RORA: variants seen among roughly 807,000 people sequenced by gnomAD.
RORA encodes RAR related orphan receptor A.
A neutral mutation model predicts 69.5 loss-of-function variants in RORA; 7 were observed. The observed-to-expected ratio is 0.10, with a 90% CI of 0.06 to 0.19. RORA has a LOEUF of 0.19. Among genes scored for constraint, RORA ranks in the 10% least tolerant of loss-of-function variants. The pLI is 1.00. For missense variants in RORA, 457 were observed against 663.0 expected (o/e 0.69, Z 3.41); for synonymous variants, 261 against 240.8 (o/e 1.08, Z -0.78).
chr15:60,763,711 A>T (rs1025803162), intron 1 of RORA, among the ~76,000 whole-genome samples: 1 of 152,150 alleles, frequency 6.6e-6, no homozygotes, highest in East Asian at 1.9e-4. Context: ...TTTGCCATAG[A>T]CTACGCTGAC....
chr15:60,766,130 A>T (rs1368038646), intron 1 of RORA, among the ~76,000 whole-genome samples: 2 of 152,040 alleles, frequency 1.3e-5, no homozygotes, highest in African/African-American at 2.4e-5. Context: ...AGGTTCAAAC[A>T]TTTGGCACTT....
At chr15:61,002,638 C>T (rs1894778439) in intron 1 of RORA, among the ~76,000 whole-genome samples, 1 of 152,048 alleles carries the variant, frequency 6.6e-6, no homozygotes, top group African/African-American at 2.4e-5. Flanking sequence ...TTACTTTATC[C>T]GAAGTGTCAT....
intron 1 of RORA, among the ~76,000 whole-genome samples, chr15:60,756,810 T>C (rs1015368790): frequency 5.9e-5 from 9 of 152,190 alleles, no homozygotes; most frequent in Non-Finnish European, 1.2e-4. Flanking sequence ...CAGTTCAATA[T>C]TTATTTAGTT....
chr15:60,866,626 G>T (rs1342175716), intron 1 of RORA, among the ~76,000 whole-genome samples: 1 of 152,116 alleles, frequency 6.6e-6, no homozygotes, highest in Admixed American at 6.5e-5. Context: ...GGAGAGAGGG[G>T]CTGGAGTTTA....
At chr15:61,135,105 C>T (rs1041360821) in intron 1 of RORA, among the ~76,000 whole-genome samples, 3 of 127,088 alleles carry the variant, frequency 2.4e-5, no homozygotes, top group African/African-American at 9.1e-5. Flanking sequence ...GCCAGGAGTT[C>T]AAAACCAGCC....
Position 60,657,668 on chromosome 15 carries a change from G to T in RORA, c.196+20989C>A, listed in dbSNP as rs536791425. The stretch of plus-strand genomic sequence containing the variant: ...CTGTCCAATCGTTGACTCCTCTGCA[G>T]AATTATTCTCTTGGGTTGTAAGTAA... On this transcript the variant is annotated intron_variant, in intron 2 of 10. Coordinates refer to ENST00000335670, the MANE Select transcript of RORA (RefSeq NM_134261.3). Among the ~76,000 whole-genome samples, 57 of 152,304 alleles carry T rather than the reference G, an allele frequency of 3.7e-4. 2 individuals are homozygous for T. The South Asian group carries it at 0.012, about 31-fold the overall frequency.
rs111275675 is a variant in RORA, at chr15:60,546,819, G to T, written c.197-14968C>A. 8.3e-3 allele frequency among the ~76,000 whole-genome samples: 1,262 copies of T among 152,270 alleles called. 17 individuals are homozygous for T. Among genetic ancestry groups the T allele is most frequent in the African/African-American group, 0.029 (1,210 of 41,566 alleles). On this transcript the variant is annotated intron_variant, in intron 2 of 10. Transcript: ENST00000335670. ...ACTCTCCTGCCTCTTAGTGATTTCT[G>T]AACTGGTGGCTGAAGTCAGAATTGT...
chr15:61,141,593 G>A (rs767514768), intron 1 of RORA, among the ~76,000 whole-genome samples: 3 of 152,162 alleles, frequency 2.0e-5, no homozygotes, highest in Admixed American at 6.5e-5. Flanking sequence ...TAGAAAAGGC[G>A]TCAACAGCTT....
At chr15:60,674,492 A>G (rs2070522839) in intron 2 of RORA, among the ~76,000 whole-genome samples, 1 of 152,210 alleles carries the variant, frequency 6.6e-6, no homozygotes, top group Non-Finnish European at 1.5e-5. Context: ...ACATTAACCT[A>G]TTCCATTTTA....
chr15:60,956,013 T>TA (rs1417115809), intron 1 of RORA, among the ~76,000 whole-genome samples: 2 of 152,202 alleles, frequency 1.3e-5, no homozygotes, highest in Non-Finnish European at 2.9e-5. Context: ...GGCACAATTT[T>TA]AAAAAAGATT....
chr15:60,713,005 A>C (rs574019189), intron 1 of RORA, among the ~76,000 whole-genome samples: 9 of 152,294 alleles, frequency 5.9e-5, no homozygotes, highest in Admixed American at 3.3e-4. Context: ...AAAAACAACA[A>C]TTTAGGTTAC....
intron 1 of RORA, among the ~76,000 whole-genome samples, chr15:60,823,737 A>T (rs566750498): frequency 6.6e-6 from 1 of 152,296 alleles, no homozygotes; most frequent in African/African-American, 2.4e-5. Flanking sequence ...TTTTTTTTAG[A>T]CAAGTTACCA....
At chr15:60,850,120 C>CG (rs1201831159) in intron 1 of RORA, among the ~76,000 whole-genome samples, 2 of 152,170 alleles carry the variant, frequency 1.3e-5, no homozygotes, top group African/African-American at 2.4e-5. Flanking sequence ...AATCAACAGT[C>CG]CGTGTTCATG....
At chr15:61,193,594 T>A (rs914866910) in intron 1 of RORA, among the ~76,000 whole-genome samples, 1 of 152,226 alleles carries the variant, frequency 6.6e-6, no homozygotes, top group African/African-American at 2.4e-5. Flanking sequence ...TCATCTTTAC[T>A]TAAGATAGTT....
intron 1 of RORA, among the ~76,000 whole-genome samples, chr15:60,918,607 T>C (rs1371278542): frequency 3.3e-5 from 5 of 152,170 alleles, no homozygotes; most frequent in African/African-American, 7.2e-5. Flanking sequence ...TGTAAGAAAA[T>C]GTTGTTATGA....
intron 2 of RORA, chr15:60,592,732 C>T (rs1325947459): frequency 7.8e-5 from 86 of 1,097,708 alleles, no homozygotes; most frequent in African/African-American, 1.6e-4. Flanking sequence ...TCTGCTGGCC[C>T]ACCCCGGCCG....
At chr15:61,180,905 A>G (rs1283019784) in intron 1 of RORA, among the ~76,000 whole-genome samples, 2 of 152,128 alleles carry the variant, frequency 1.3e-5, no homozygotes, top group East Asian at 1.9e-4. Context: ...GGAGTTTGAG[A>G]CCAGTCTGGC....
At chr15:61,005,041 C>G (rs562546991) in intron 1 of RORA, among the ~76,000 whole-genome samples, 1 of 152,330 alleles carries the variant, frequency 6.6e-6, no homozygotes, top group South Asian at 2.1e-4. Flanking sequence ...AGCAATTCCA[C>G]TTTTAGCAGC....
chr15:60,555,701 AAG>A (rs1232636288), intron 2 of RORA, among the ~76,000 whole-genome samples: 3 of 152,142 alleles, frequency 2.0e-5, no homozygotes, highest in Non-Finnish European at 4.4e-5. Context: ...CACAGGTGGG[AAG>A]AAAAGGAAGG....
Sources: gnomAD v4.1 joint callset for allele counts (sites outside exome capture counted in the v4.1 genomes callset) on GRCh38, gnomAD v4.1.1 for gene constraint, MANE v1.5 for transcripts, NCBI Gene and HGNC (gene_info 2026-07-23, HGNC 2026-07-21) for gene names.